Variants in ENOX1 observed in about 807,000 individuals in gnomAD.
ENOX1 encodes the protein ecto-NOX disulfide-thiol exchanger 1.
A neutral mutation model predicts 82.5 loss-of-function variants in ENOX1; 42 were observed. The ratio of observed to expected loss-of-function variants is 0.51; its 90% CI spans 0.40 to 0.66. ENOX1 has a LOEUF of 0.66. Among genes scored for constraint, ENOX1 ranks in the 30% least tolerant of loss-of-function variants. ENOX1 has a pLI of 0.00. For missense variants in ENOX1, 608 were observed against 811.6 expected (o/e 0.75, Z 3.05); for synonymous variants, 271 against 282.2 (o/e 0.96, Z 0.40).
At chr13:43,534,398 C>T (rs567336516) in intron 2 of ENOX1, among the ~76,000 whole-genome samples, 1 of 152,184 alleles carries the variant, frequency 6.6e-6, no homozygotes, top group African/African-American at 2.4e-5. Context: ...GTGATTTCCA[C>T]ACCAGGTACA....
chr13:43,702,677 G>A (rs192107285), intron 1 of ENOX1, among the ~76,000 whole-genome samples: 187 of 152,264 alleles, frequency 1.2e-3, no homozygotes, highest in Middle Eastern at 6.8e-3. Context: ...TGGGCTGGGC[G>A]CAGTGGTTCA....
intron 2 of ENOX1, among the ~76,000 whole-genome samples, chr13:43,650,825 C>G (rs551159230): frequency 1.3e-5 from 2 of 152,226 alleles, no homozygotes; most frequent in East Asian, 1.9e-4. Context: ...GCGACAAGCG[C>G]AAGACTCCGT....
intron 2 of ENOX1, among the ~76,000 whole-genome samples, chr13:43,536,929 A>AGGAGCTTCCTCAGAT (rs2078486252): frequency 6.6e-6 from 1 of 152,234 alleles, no homozygotes; most frequent in Non-Finnish European, 1.5e-5. Flanking sequence ...TAAAAAACCA[A>AGGAGCTTCCTCAGAT]GGAGCTTCCT....
intron 13 of ENOX1, among the ~76,000 whole-genome samples, chr13:43,266,121 C>T (rs1453588044): frequency 6.6e-6 from 1 of 152,120 alleles, no homozygotes; most frequent in Non-Finnish European, 1.5e-5. Flanking sequence ...TTCAGGAAAC[C>T]TTTAATTGTC....
At position 43,747,166 on chromosome 13, in the gene ENOX1, G is replaced by A. The variant is rs140480714; in HGVS notation, c.-285+39486C>T. ...ACTTCAGATTCCTAGTCTGAAAAAC[G>A]GGTATAATCTCCAAGAATTGTGAGA... On this transcript the variant is annotated intron_variant, in intron 1 of 16. Coordinates refer to ENST00000690772, the MANE Select transcript of ENOX1 (RefSeq NM_001347969.2). 3.9e-3 allele frequency among the ~76,000 whole-genome samples: 596 copies of A among 152,208 alleles called. 4 individuals are homozygous for A. The highest frequency in any genetic ancestry group is 0.017 in the Middle Eastern group (5 of 294).
intron 14 of ENOX1, among the ~76,000 whole-genome samples, chr13:43,247,134 G>A (rs150812646): frequency 0.011 from 1,732 of 152,082 alleles, 32 homozygotes; most frequent in African/African-American, 0.039. Context: ...TGACCAATAC[G>A]TTGAAACCCC....
At chr13:43,496,083 T>C (rs1446855985) in intron 2 of ENOX1, among the ~76,000 whole-genome samples, 1 of 152,306 alleles carries the variant, frequency 6.6e-6, no homozygotes, top group East Asian at 1.9e-4. Flanking sequence ...CATACATATG[T>C]ATTGCAAACT....
In ENOX1 at chr13:43,399,039, C is replaced by A. The variant is rs2053333533; in HGVS notation, c.208+12877G>T. On this transcript the variant is annotated intron_variant, in intron 5 of 16. Coordinates refer to ENST00000690772, the MANE Select transcript of ENOX1 (RefSeq NM_001347969.2). Reference sequence around the variant, plus strand: ...AAACTCCTGGACTCAAGCAATCCACCTGTCTCGGCCTCCCAAAGTGCTGGG... The same window carrying A: ...AAACTCCTGGACTCAAGCAATCCACATGTCTCGGCCTCCCAAAGTGCTGGG... Among the ~76,000 whole-genome samples the A allele has an allele frequency of 2.0e-5, 3 of 152,110 alleles. No homozygotes were observed. The South Asian group carries it at 6.2e-4, about 32-fold the overall frequency.
At position 43,753,732 on chromosome 13, in the gene ENOX1, A is replaced by G. The variant is rs1055100084; in HGVS notation, c.-285+32920T>C. 9.2e-5 allele frequency among the ~76,000 whole-genome samples: 14 copies of G among 152,242 alleles called. 1 individual carries two copies. The highest frequency in any genetic ancestry group is 2.9e-5 in the Non-Finnish European group (2 of 68,038). On this transcript the variant is annotated intron_variant, in intron 1 of 16. Coordinates refer to ENST00000690772, the MANE Select transcript of ENOX1 (RefSeq NM_001347969.2). ...CCTTTAAGCCCATCAGTCAAGTGAT[A>G]TGGGAAAAATTCAAATATGTAGTAT...
intron 5 of ENOX1, among the ~76,000 whole-genome samples, chr13:43,384,015 C>T (rs1353491002): frequency 6.6e-6 from 1 of 152,218 alleles, no homozygotes; most frequent in Admixed American, 6.5e-5. Context: ...GCCGGACTGC[C>T]TGTGTTCACA....
At chr13:43,581,715 T>C (rs2080751789) in intron 2 of ENOX1, among the ~76,000 whole-genome samples, 2 of 152,190 alleles carry the variant, frequency 1.3e-5, no homozygotes, top group Admixed American at 1.3e-4. Context: ...TGGCCTTTAC[T>C]GTGCAGAGGA....
At chr13:43,752,350 A>G (rs1360393400) in intron 1 of ENOX1, among the ~76,000 whole-genome samples, 1 of 152,124 alleles carries the variant, frequency 6.6e-6, no homozygotes, top group African/African-American at 2.4e-5. Flanking sequence ...TTCTCTTAGT[A>G]CTATCTTTTG....
chr13:43,383,808 A>C (rs1471677013), intron 5 of ENOX1, among the ~76,000 whole-genome samples: 1 of 152,220 alleles, frequency 6.6e-6, no homozygotes, highest in African/African-American at 2.4e-5. Flanking sequence ...TGCTAGTAGA[A>C]TGCATGAATT....
chr13:43,663,544 A>G (rs552036319), intron 2 of ENOX1, among the ~76,000 whole-genome samples: 1 of 152,284 alleles, frequency 6.6e-6, no homozygotes, highest in South Asian at 2.1e-4. Flanking sequence ...TTTCCTATAT[A>G]AAAGGTATAC....
intron 3 of ENOX1, among the ~76,000 whole-genome samples, chr13:43,467,596 C>T (rs1334692713): frequency 6.6e-6 from 1 of 151,526 alleles, no homozygotes; most frequent in Non-Finnish European, 1.5e-5. Context: ...TATTTTCTTC[C>T]ATCTTTGAGT....
intron 5 of ENOX1, among the ~76,000 whole-genome samples, chr13:43,370,462 G>C (rs565325629): frequency 6.6e-6 from 1 of 152,024 alleles, no homozygotes; most frequent in Admixed American, 6.5e-5. Context: ...CCAGTTTTAC[G>C]GGCCATTGCC....
chr13:43,614,307 A>T (rs1024812660), intron 2 of ENOX1, among the ~76,000 whole-genome samples: 5 of 152,192 alleles, frequency 3.3e-5, no homozygotes, highest in Non-Finnish European at 1.5e-5. Context: ...AATCCCACAG[A>T]TTGGACAGGC....
intron 14 of ENOX1, among the ~76,000 whole-genome samples, chr13:43,247,854 TATATATATA>T (rs2043184129): frequency 4.3e-4 from 2 of 4,668 alleles, no homozygotes; most frequent in Non-Finnish European, 6.1e-4. Flanking sequence ...TATATATATA[TATATATATA>T]TATATATATA....
intron 1 of ENOX1, among the ~76,000 whole-genome samples, chr13:43,681,105 C>T (rs2085760541): frequency 1.3e-5 from 2 of 152,126 alleles, no homozygotes. Context: ...GCCCCTTTCC[C>T]TTCTCCTCTC....
Sources: allele counts gnomAD v4.1 joint callset (sites outside exome capture counted in the v4.1 genomes callset), GRCh38; gene constraint gnomAD v4.1.1; transcripts MANE v1.5; gene names NCBI Gene and HGNC (gene_info 2026-07-23, HGNC 2026-07-21).